Variants in FMR1 observed in about 807,000 individuals in gnomAD.
FMR1 encodes the protein FMRP translational regulator 1.
In FMR1, 13 loss-of-function variants were observed where a neutral mutation model predicts 50.6. The ratio of observed to expected loss-of-function variants is 0.26; its 90% CI spans 0.17 to 0.41. The LOEUF (loss-of-function observed/expected upper bound fraction) is 0.41, where lower values mean the gene tolerates loss of function less well. Among genes scored for constraint, FMR1 ranks in the 10% least tolerant of loss-of-function variants. The probability of loss-of-function intolerance (pLI) is 1.00; values close to 1 mark genes in which losing one functional copy is unlikely to be tolerated. For missense variants in FMR1, 316 were observed against 491.3 expected, an observed-to-expected ratio of 0.64 and a Z score of 3.37; for synonymous variants, 138 against 164.1, an observed-to-expected ratio of 0.84 and a Z score of 1.22.
At chrX:147,940,722 A>G in intron 13 of FMR1, 60 bp downstream of exon 13, 2 of 778,213 alleles carry the variant, frequency 2.6e-6, no homozygotes, top group South Asian at 2.1e-5. Flanking sequence ...CAAACTTTAT[A>G]GTAGATCTTT....
At chrX:147,920,601 A>T (rs1242172753) in intron 1 of FMR1, among the ~76,000 whole-genome samples, 2 of 111,971 alleles carry the variant, frequency 1.8e-5, no homozygotes, top group Non-Finnish European at 3.8e-5. Flanking sequence ...TTCATACTAG[A>T]CACTCTGCAG....
chrX:147,943,772 CAAG>C (rs2044084570), intron 14 of FMR1: 1 of 118,670 alleles, frequency 8.4e-6, no homozygotes, highest in Non-Finnish European at 1.7e-5. Flanking sequence ...TAGGCACAGT[CAAG>C]AAGTAGGCGA....
chrX:147,933,768 G>GTCCTTGCTTTCTTCTTT, intron 9 of FMR1: 1 of 377,762 alleles, frequency 2.6e-6, no homozygotes, highest in Non-Finnish European at 3.4e-6. Flanking sequence ...CTTTAAAGAA[G>GTCCTTGCTTTCTTCTTT]AAAGCAAGGA....
In FMR1 at chrX:147,949,703, T is replaced by G; in HGVS notation, c.*859T>G. 3.0e-6 allele frequency: 1 copy of G among 329,576 alleles called. No homozygotes were observed. Among genetic ancestry groups the G allele is most frequent in the South Asian group, 2.6e-5 (1 of 38,492 alleles). The allele number at this position is 329,576 out of a possible 1,213,427, so 27.2% of individuals were successfully genotyped here. A position where few individuals can be genotyped will look rare whatever the true frequency, so the allele number is the denominator to read the frequency against. ...TTCATCTGAGAGAGGCTAAAATGTT[T>G]TCAGCTAGGAACAAATCTTCCTGGT... On this transcript the variant is annotated 3_prime_UTR_variant, in exon 17 of 17. Transcript: ENST00000370475.
chrX:147,922,624 A>G (rs2043221101), intron 2 of FMR1, among the ~76,000 whole-genome samples: 1 of 111,732 alleles, frequency 8.9e-6, no homozygotes, highest in African/African-American at 3.2e-5. Flanking sequence ...AATAAAGGCT[A>G]TTTTCAGGGT....
Position 147,932,421 on chromosome X carries a change from T to G in FMR1, c.631-4T>G. 1 of 1,209,179 alleles carries G rather than the reference T, an allele frequency of 8.3e-7. No individual in the cohort carries two copies. The highest frequency in any genetic ancestry group is 1.1e-6 in the Non-Finnish European group (1 of 893,223). On this transcript the variant is annotated splice_polypyrimidine_tract_variant and splice_region_variant and intron_variant, in intron 7 of 16. Coordinates refer to ENST00000370475, the MANE Select transcript of FMR1 (RefSeq NM_002024.6). ...GTATTCATCAGACGTCCATTTCTCT[T>G]CAGAGTTCAAGGCAGCTTGCCTCGA... is the stretch of plus-strand genomic sequence containing the variant.
chrX:147,945,549 C>T lies in FMR1; in HGVS notation c.1670C>T (p.Ser557Phe). 8.3e-7 allele frequency: 1 copy of T among 1,207,739 alleles called. No individual in the cohort carries two copies. Among genetic ancestry groups the T allele is most frequent in the Non-Finnish European group, 1.1e-6 (1 of 891,691 alleles). ...ATTCTCATAGGAAACGACGATCACT[C>T]CCGAACAGATAATCGTCCACGTAAT... ...GGGFKGNDDH[S>F]RTDNRPRNPR... Residue 557 changes from serine (S) to phenylalanine (F), a missense_variant, in exon 16 of 17, where the codon TCC becomes TTC. Ser to Phe is a radical substitution (Grantham distance 155). This residue lies in a region of FMR1 where 124 missense variants were observed against 160.8 expected (regional missense o/e 0.77). Coordinates refer to ENST00000370475, the MANE Select transcript of FMR1 (RefSeq NM_002024.6).
At chrX:147,945,216 A>G (rs1557181717) in intron 15 of FMR1, among the ~76,000 whole-genome samples, 165 bp downstream of exon 15, 1 of 111,879 alleles carries the variant, frequency 8.9e-6, no homozygotes, top group East Asian at 2.8e-4. Context: ...GAAAGAAAGA[A>G]TATTAGGCAG....
rs781892909 is a variant in FMR1, at chrX:147,938,100, T to A, written c.1127T>A (p.Val376Glu). 6 of 1,203,541 alleles carry A rather than the reference T, an allele frequency of 5.0e-6. No individual in the cohort carries two copies. In the South Asian group the frequency reaches 1.1e-4, roughly 21 times the overall value. ...CTTGCATTCCTTATACTGCTTTAGG[T>A]GTTAGTGGCTTCATCAGTTGTAGCA... is the stretch of plus-strand genomic sequence containing the variant. The part of the protein sequence containing the change: ...SQPNSTKVQR[V>E]LVASSVVAGE... The change falls in exon 12 of 17, where the codon GTG (valine) becomes GAG (glutamate). Residue 376 changes from valine to glutamate, a missense_variant and splice_region_variant. This residue lies in a region of FMR1 where 53 missense variants were observed against 51.5 expected (regional missense o/e 1.03). Transcript: ENST00000370475.
intron 2 of FMR1, 36 bp downstream of exon 2, chrX:147,922,021 T>C (rs1557176608): frequency 1.2e-6 from 1 of 855,664 alleles, no homozygotes; most frequent in Admixed American, 2.3e-5. Context: ...ATGATGAGGT[T>C]CTTTAATATT....
At position 147,948,761 on chromosome X, in the gene FMR1, C is replaced by G; in HGVS notation, c.1816C>G (p.Arg606Gly). The change falls in exon 17 of 17, where the codon CGC becomes GGC. Residue 606 changes from arginine (R) to glycine (G), a missense_variant. This residue lies in a region of FMR1 where 124 missense variants were observed against 160.8 expected (regional missense o/e 0.77). Coordinates refer to ENST00000370475, the MANE Select transcript of FMR1 (RefSeq NM_002024.6). ...TACCTCCAGTGAAGGTAGTCGGCTG[C>G]GCACGGGTAAAGATCGTAACCAGAA... Reference protein sequence around the residue: ...QNTSSEGSRLRTGKDRNQKKE... With the variant: ...QNTSSEGSRLGTGKDRNQKKE... The G allele has an allele frequency of 8.3e-7, 1 of 1,211,033 alleles. No individual in the cohort carries two copies. The highest frequency in any genetic ancestry group is 1.8e-5 in the South Asian group (1 of 56,953).
intron 3 of FMR1, among the ~76,000 whole-genome samples, chrX:147,927,137 CTG>C (rs1488121088): frequency 3.6e-5 from 4 of 112,201 alleles, no homozygotes; most frequent in African/African-American, 9.7e-5. Context: ...AACAGAAACA[CTG>C]TGTATGCTTA....
intron 16 of FMR1, chrX:147,947,570 C>G (rs1392316471): frequency 2.7e-5 from 3 of 110,078 alleles, no homozygotes; most frequent in Non-Finnish European, 5.7e-5. Context: ...ATTAGCCGGG[C>G]ATGGTGGCGG....
At chrX:147,929,067 T>A (rs2043491587) in intron 5 of FMR1, among the ~76,000 whole-genome samples, 1 of 112,262 alleles carries the variant, frequency 8.9e-6, no homozygotes, top group Admixed American at 9.5e-5. Flanking sequence ...GTACATTTGT[T>A]TTCTAAACTA....
chrX:147,941,578 A>G (rs2044003871), intron 13 of FMR1, among the ~76,000 whole-genome samples: 1 of 112,337 alleles, frequency 8.9e-6, no homozygotes, highest in Admixed American at 9.4e-5. Flanking sequence ...GAAAAAGTGT[A>G]ATACTGGGCA....
At chrX:147,918,694 AAAAAAC>A (rs1341607128) in intron 1 of FMR1, among the ~76,000 whole-genome samples, 1 of 109,297 alleles carries the variant, frequency 9.1e-6, no homozygotes, top group Non-Finnish European at 1.9e-5. Flanking sequence ...GGCAAAGAGA[AAAAAAC>A]AAAATATAGC....
chrX:147,919,460 A>G (rs1557176016), intron 1 of FMR1, among the ~76,000 whole-genome samples: 2 of 112,269 alleles, frequency 1.8e-5, no homozygotes, highest in African/African-American at 6.5e-5. Context: ...CTAAAATATC[A>G]TTGGCAGTAT....
At chrX:147,944,130 C>G in intron 14 of FMR1, 3 of 752,968 alleles carry the variant, frequency 4.0e-6, no homozygotes, top group Non-Finnish European at 4.7e-6. Context: ...AACCTTGAAC[C>G]TAACCCCTAA....
intron 16 of FMR1, chrX:147,946,973 C>T (rs1324129549): frequency 8.9e-6 from 1 of 112,094 alleles, no homozygotes; most frequent in African/African-American, 3.2e-5. Context: ...TTTAAGTACC[C>T]GTTTTGTAAT....
Sources: allele counts gnomAD v4.1 joint callset (sites outside exome capture counted in the v4.1 genomes callset), GRCh38; gene constraint gnomAD v4.1.1; regional missense constraint gnomAD v4.1.1; transcripts MANE v1.5; gene names NCBI Gene and HGNC (gene_info 2026-07-23, HGNC 2026-07-21).